The following C6 variants were observed in gnomAD, a reference collection of about 807,000 sequenced individuals.
C6 encodes complement component C6.
C6 carries 101 observed loss-of-function variants against 112.9 expected under a neutral mutation model. The observed-to-expected ratio is 0.89, with a 90% confidence interval of 0.76 to 1.06. C6 has a LOEUF of 1.06. Ranked by LOEUF, C6 falls within the 50% of genes least tolerant of loss-of-function variation. The pLI is 0.00. For synonymous variants in C6, 431 were observed against 384.1 expected, an observed-to-expected ratio of 1.12 and a Z score of -1.43; for missense variants, 1,202 against 1,104.6, an observed-to-expected ratio of 1.09 and a Z score of -1.25.
At chr5:41,151,792 C>T (rs1746419403) in intron 15 of C6, among the ~76,000 whole-genome samples, 1 of 150,862 alleles carries the variant, frequency 6.6e-6, no homozygotes, top group African/African-American at 2.4e-5. Context: ...AATATGAAGC[C>T]AAGGAAAGAA....
rs571760895 is a variant in C6, at chr5:41,246,893, A to G, written c.-21+14301T>C. Among the ~76,000 whole-genome samples the G allele has an allele frequency of 2.0e-5, 3 of 152,328 alleles. No individual in the cohort carries two copies. In the South Asian group the frequency reaches 6.2e-4, roughly 32 times the overall value. ...ACCTTCTGGGGAGTAATTCAGTAAAATATTTACCTCTAGAAGTAACATAAT... is the reference window on the plus strand; with the variant it reads ...ACCTTCTGGGGAGTAATTCAGTAAAGTATTTACCTCTAGAAGTAACATAAT... On this transcript the variant is annotated intron_variant, in intron 1 of 17. Transcript: ENST00000263413.
upstream of C6, among the ~76,000 whole-genome samples, chr5:41,217,017 G>A (rs1217493260): frequency 2.0e-5 from 3 of 151,954 alleles, no homozygotes; most frequent in African/African-American, 7.2e-5. Context: ...AGCCAAATTG[G>A]ATAACTTGCT....
intron 9 of C6, among the ~76,000 whole-genome samples, chr5:41,165,573 A>T (rs1262244922): frequency 6.6e-6 from 1 of 152,028 alleles, no homozygotes; most frequent in Non-Finnish European, 1.5e-5. Context: ...TGAAGGGCTT[A>T]TTCTATATTT....
At chr5:41,247,281 C>T (rs987035044) in intron 1 of C6, among the ~76,000 whole-genome samples, 17 of 152,060 alleles carry the variant, frequency 1.1e-4, no homozygotes, top group Non-Finnish European at 2.2e-4. Context: ...GATCCTATAT[C>T]TAGAAAACCC....
In C6 at chr5:41,258,089, A is replaced by G. The variant is rs531958990; in HGVS notation, c.-21+3105T>C. 5.9e-5 allele frequency among the ~76,000 whole-genome samples: 9 copies of G among 152,264 alleles called. No homozygotes were observed. In the Middle Eastern group the frequency reaches 0.024, roughly 403 times the overall value. On this transcript the variant is annotated intron_variant, in intron 1 of 17. Coordinates refer to the C6 transcript ENST00000263413. ...AAACCCACCAGGCATGGTCTTCACAAGCAAAAATTAAATTGCTTTAATTTT... is the reference window on the plus strand; with the variant it reads ...AAACCCACCAGGCATGGTCTTCACAGGCAAAAATTAAATTGCTTTAATTTT...
chr5:41,214,386 A>G (rs1752115839), upstream of C6, among the ~76,000 whole-genome samples: 1 of 152,156 alleles, frequency 6.6e-6, no homozygotes, highest in African/African-American at 2.4e-5. Context: ...GATTACTTGA[A>G]ACACAGCTGG....
intron 10 of C6, 30 bp from the exon 11 acceptor site, chr5:41,160,397 G>A (rs1346942323): frequency 1.9e-6 from 3 of 1,546,182 alleles, no homozygotes; most frequent in Non-Finnish European, 8.9e-7. Flanking sequence ...AGGAGGTCCA[G>A]TCACATCCCC....
intron 1 of C6, among the ~76,000 whole-genome samples, chr5:41,227,899 G>A (rs768489411): frequency 2.0e-4 from 30 of 152,114 alleles, no homozygotes; most frequent in Non-Finnish European, 3.5e-4. Flanking sequence ...AGGTCAGGTA[G>A]TGTGATGCCT....
At chr5:41,216,843 C>G (rs1752212144), upstream of C6, among the ~76,000 whole-genome samples, 1 of 152,108 alleles carries the variant, frequency 6.6e-6, no homozygotes, top group South Asian at 2.1e-4. Flanking sequence ...GAGTTCACCT[C>G]TCAGTAGCAC....
At chr5:41,236,939 C>A (rs1211126591) in intron 1 of C6, among the ~76,000 whole-genome samples, 1 of 151,040 alleles carries the variant, frequency 6.6e-6, no homozygotes, top group East Asian at 2.0e-4. Context: ...TCAGAGAATA[C>A]TACAAACACC....
At chr5:41,172,664 C>T (rs1748528460) in intron 8 of C6, 4 of 433,442 alleles carry the variant, frequency 9.2e-6, no homozygotes, top group Non-Finnish European at 1.7e-5. Context: ...TTGCCTGCCA[C>T]TTGTTGCCAC....
chr5:41,257,975 GA>G (rs778672958), intron 1 of C6, among the ~76,000 whole-genome samples: 2 of 151,600 alleles, frequency 1.3e-5, no homozygotes, highest in African/African-American at 4.8e-5. Context: ...ATTTCACATA[GA>G]AAAAAATCTT....
intron 14 of C6, among the ~76,000 whole-genome samples, chr5:41,154,363 G>A (rs1746699662): frequency 6.6e-6 from 1 of 152,184 alleles, no homozygotes. Context: ...AGAGTGATGG[G>A]CATTCTAATT....
At chr5:41,242,320 C>T (rs188060954) in intron 1 of C6, among the ~76,000 whole-genome samples, 6 of 152,204 alleles carry the variant, frequency 3.9e-5, no homozygotes, top group Admixed American at 1.3e-4. Context: ...TGGCATTTTT[C>T]CTGCTTGTAC....
rs560334611 is a variant in C6, at chr5:41,249,245, C to A, written c.-21+11949G>T. On this transcript the variant is annotated intron_variant, in intron 1 of 17. Transcript: ENST00000263413. ...GTGAGGGGATCAATGGTACCCCTTA[C>A]CCAGGTAACAAAACTGCACATGCTT... 2.0e-5 allele frequency among the ~76,000 whole-genome samples: 3 copies of A among 152,084 alleles called. No individual in the cohort carries two copies. In the South Asian group the frequency reaches 6.2e-4, roughly 32 times the overall value.
At chr5:41,238,761 G>A (rs59822767) in intron 1 of C6, among the ~76,000 whole-genome samples, 255 of 152,178 alleles carry the variant, frequency 1.7e-3, no homozygotes, top group African/African-American at 5.3e-3. Context: ...ATAACCTGAA[G>A]GGCATAGATA....
At chr5:41,245,405 C>T (rs1001122879) in intron 1 of C6, among the ~76,000 whole-genome samples, 6 of 152,060 alleles carry the variant, frequency 3.9e-5, no homozygotes, top group African/African-American at 1.4e-4. Context: ...ACCTGTAATC[C>T]CAGCTACTTC....
At chr5:41,244,014 A>G (rs925614288) in intron 1 of C6, among the ~76,000 whole-genome samples, 5 of 152,172 alleles carry the variant, frequency 3.3e-5, no homozygotes, top group Admixed American at 3.3e-4. Context: ...CTATACCATT[A>G]ATTCTTGGAT....
At chr5:41,247,657 G>A (rs992014082) in intron 1 of C6, among the ~76,000 whole-genome samples, 2 of 151,030 alleles carry the variant, frequency 1.3e-5, no homozygotes, top group African/African-American at 4.9e-5. Context: ...GGTGGAGCCT[G>A]CAGTGAGCCG....
Sources: allele counts gnomAD v4.1 joint callset (sites outside exome capture counted in the v4.1 genomes callset), GRCh38; gene constraint gnomAD v4.1.1; transcripts MANE v1.5; gene names NCBI Gene and HGNC (gene_info 2026-07-23, HGNC 2026-07-21).